The following SCYL1 variants were observed in gnomAD, a reference collection of about 807,000 sequenced individuals.
SCYL1 encodes SCY1 like pseudokinase 1.
SCYL1 carries 85 observed loss-of-function variants against 94.8 expected under a neutral mutation model. The ratio of observed to expected loss-of-function variants is 0.90; its 90% CI spans 0.75 to 1.07. The LOEUF (loss-of-function observed/expected upper bound fraction) is 1.07, where lower values mean the gene tolerates loss of function less well. Among genes scored for constraint, SCYL1 ranks in the 50% least tolerant of loss-of-function variants. SCYL1 has a pLI of 0.00. For synonymous variants in SCYL1, 459 were observed against 435.5 expected (o/e 1.05, Z -0.67); for missense variants, 968 against 1,083.3 (o/e 0.89, Z 1.49).
rs1855691514 is a variant in SCYL1, at chr11:65,536,977, G to C, written c.1817-9G>C. 2.5e-6 allele frequency: 4 copies of C among 1,608,796 alleles called. No homozygotes were observed. The highest frequency in any genetic ancestry group is 3.3e-5 in the Admixed American group (2 of 59,838). On this transcript the variant is annotated splice_polypyrimidine_tract_variant and intron_variant, in intron 13 of 17. Transcript: ENST00000270176. The stretch of plus-strand genomic sequence containing the variant: ...CCCCCTGAAAGCTCAGTGAGCCTCT[G>C]CTCCCCAGGAGTTCCTGCCCCAGCC...
Position 65,532,823 on chromosome 11 carries a change from C to T in SCYL1, c.1230+18C>T, listed in dbSNP as rs1855453433. On this transcript the variant is annotated intron_variant, in intron 9 of 17. Transcript: ENST00000270176. Reference sequence around the variant, plus strand: ...CGGTCAAGGTGGGTGTGGCCAGGCCCAGAGTGGCTACCCCTGGTTTTCCAA... The same window carrying T: ...CGGTCAAGGTGGGTGTGGCCAGGCCTAGAGTGGCTACCCCTGGTTTTCCAA... 1.6e-5 allele frequency: 25 copies of T among 1,592,668 alleles called. No homozygotes were observed. Among genetic ancestry groups the T allele is most frequent in the Non-Finnish European group, 2.1e-5 (24 of 1,160,662 alleles).
chr11:65,534,103 C>T (rs972868513), intron 9 of SCYL1, among the ~76,000 whole-genome samples: 20 of 151,758 alleles, frequency 1.3e-4, no homozygotes, highest in African/African-American at 2.9e-4. Flanking sequence ...TGGTGGTGGG[C>T]GCCTGTGGTC....
chr11:65,536,094 G>A lies in SCYL1; in HGVS notation c.1528G>A (p.Val510Met). Reference protein sequence around the residue: ...MNDCAQKILPVLCGLTVDPEK... With the variant: ...MNDCAQKILPMLCGLTVDPEK... ...CGACTGTGCCCAGAAGATCCTGCCT[G>A]TGCTCTGCGGTCTCACTGTAGATCC... The change falls in exon 11 of 18, where the codon GTG becomes ATG. Residue 510 changes from valine (V) to methionine (M), a missense_variant. By Grantham distance (21) the Val-to-Met change is conservative. Transcript: ENST00000270176. 2 of 1,614,176 alleles carry A rather than the reference G, an allele frequency of 1.2e-6. No homozygotes were observed. The highest frequency in any genetic ancestry group is 1.7e-6 in the Non-Finnish European group (2 of 1,180,004).
At chr11:65,536,903 T>TC in intron 13 of SCYL1, 83 bp from the exon 14 acceptor site, 1 of 1,229,488 alleles carries the variant, frequency 8.1e-7, no homozygotes, top group East Asian at 2.4e-5. Context: ...TGGTGCCCCT[T>TC]CCCCCCAGTA....
chr11:65,528,976 G>A (rs1855231256), intron 6 of SCYL1, among the ~76,000 whole-genome samples: 1 of 152,180 alleles, frequency 6.6e-6, no homozygotes, highest in Non-Finnish European at 1.5e-5. Context: ...CTGAACCTTG[G>A]TTTCCACATG....
chr11:65,532,894 C>T, intron 9 of SCYL1, 89 bp downstream of exon 9: 2 of 980,314 alleles, frequency 2.0e-6, no homozygotes, highest in Non-Finnish European at 3.2e-6. Flanking sequence ...GGCTTTGGCC[C>T]ATGGGTCCAA....
chr11:65,531,835 A>C, intron 8 of SCYL1, 152 bp downstream of exon 8: 1 of 638,232 alleles, frequency 1.6e-6, no homozygotes, highest in Non-Finnish European at 2.8e-6. Flanking sequence ...GCTCTCAGAA[A>C]GTTGGCCACA....
intron 17 of SCYL1, 57 bp from the exon 18 acceptor site, chr11:65,538,385 G>T: frequency 6.5e-7 from 1 of 1,539,176 alleles, no homozygotes; most frequent in Non-Finnish European, 8.8e-7. Flanking sequence ...GCCCCTACAG[G>T]CCCCCGGCAG....
At chr11:65,529,080 C>A (rs189678869) in intron 6 of SCYL1, among the ~76,000 whole-genome samples, 2 of 152,164 alleles carry the variant, frequency 1.3e-5, no homozygotes. Flanking sequence ...CGGCCCCAGC[C>A]GTGTGTGGGG....
chr11:65,536,344 T>G lies in SCYL1; in HGVS notation c.1651+10T>G, dbSNP rs765374706. On this transcript the variant is annotated intron_variant, in intron 12 of 17. Transcript: ENST00000270176. ...CAGCTGGAGGAAGTGGGTGAGTGGCTTACACTCGTGTTCCCTCTTTCCCTG... is the reference window on the plus strand; with the variant it reads ...CAGCTGGAGGAAGTGGGTGAGTGGCGTACACTCGTGTTCCCTCTTTCCCTG... 4 of 1,612,950 alleles carry G rather than the reference T, an allele frequency of 2.5e-6. No homozygotes were observed. The highest frequency in any genetic ancestry group is 3.4e-6 in the Non-Finnish European group (4 of 1,178,996).
In SCYL1 at chr11:65,525,283, C is replaced by T; in HGVS notation, c.111+19C>T. On this transcript the variant is annotated intron_variant, in intron 1 of 17. Transcript: ENST00000270176. ...CAAGAAGGTGAGTGCGGCCGAGCTC[C>T]GTAGGCCGCGGTCGACCTGGGCCTT... The T allele has an allele frequency of 7.1e-7, 1 of 1,399,356 alleles. No homozygotes were observed. The highest frequency in any genetic ancestry group is 9.4e-7 in the Non-Finnish European group (1 of 1,066,394). The allele number at this position is 1,399,356 out of a possible 1,614,324, so 86.7% of individuals were successfully genotyped here. A position where few individuals can be genotyped will look rare whatever the true frequency, so the allele number is the denominator to read the frequency against.
chr11:65,537,223 C>G lies in SCYL1; in HGVS notation c.1959+95C>G, dbSNP rs1855711755. The G allele has an allele frequency of 2.9e-6, 4 of 1,377,048 alleles. No individual in the cohort carries two copies. The Admixed American group carries it at 7.6e-5, about 26-fold the overall frequency. The allele number at this position is 1,377,048 out of a possible 1,614,324, so 85.3% of individuals were successfully genotyped here. Reference sequence around the variant, plus strand: ...TCTGTGGGGCCTGGCTGGAGTTGGCCTGTCCTCATCAGCACAGCATCCCTG... The same window carrying G: ...TCTGTGGGGCCTGGCTGGAGTTGGCGTGTCCTCATCAGCACAGCATCCCTG... On this transcript the variant is annotated intron_variant, in intron 14 of 17. Transcript: ENST00000270176.
chr11:65,536,370 C>T (rs747788958), intron 12 of SCYL1, 36 bp downstream of exon 12: 24 of 1,603,748 alleles, frequency 1.5e-5, no homozygotes, highest in Middle Eastern at 1.6e-4. Flanking sequence ...TCTTTCCCTG[C>T]CATGTCCTTG....
At position 65,536,377 on chromosome 11, in the gene SCYL1, C is replaced by A. The variant is rs773421181; in HGVS notation, c.1651+43C>A. 1.4e-5 allele frequency: 23 copies of A among 1,597,472 alleles called. No individual in the cohort carries two copies. The East Asian group carries it at 4.9e-4, about 34-fold the overall frequency. The stretch of plus-strand genomic sequence containing the variant: ...GTGTTCCCTCTTTCCCTGCCATGTC[C>A]TTGACTGTGACCTGTTTGTGTCCCA... On this transcript the variant is annotated intron_variant, in intron 12 of 17. Coordinates refer to ENST00000270176, the MANE Select transcript of SCYL1 (RefSeq NM_020680.4).
rs1212552571 is a variant in SCYL1, at chr11:65,537,852, C to A, written c.2003C>A (p.Thr668Asn). 1.3e-6 allele frequency: 2 copies of A among 1,575,254 alleles called. No homozygotes were observed. The highest frequency in any genetic ancestry group is 2.3e-5 in the South Asian group (2 of 85,804). The change falls in exon 15 of 18, where the codon ACC (threonine) becomes AAC (asparagine). Residue 668 changes from threonine to asparagine, a missense_variant. Physicochemically the swap from Thr to Asn is moderately conservative, Grantham distance 65 (BLOSUM62 0). This residue lies in a region of SCYL1 where 474 missense variants were observed against 463.6 expected (regional missense o/e 1.02). Coordinates refer to ENST00000270176, the MANE Select transcript of SCYL1 (RefSeq NM_020680.4). ...CTGGCCCAGCAGGACGACTGGAGCA[C>A]CGGGGGCCAAGTGAGCCGTGCTAGT... Reference protein sequence around the residue: ...SVLAQQDDWSTGGQVSRASQV... With the variant: ...SVLAQQDDWSNGGQVSRASQV...
In SCYL1 at chr11:65,526,888, C is replaced by G. The variant is rs1159490183; in HGVS notation, c.693+15C>G. On this transcript the variant is annotated intron_variant, in intron 5 of 17. Coordinates refer to ENST00000270176, the MANE Select transcript of SCYL1 (RefSeq NM_020680.4). The surrounding 1 kb of genome is among the most constrained non-coding windows in gnomAD (Gnocchi z 4.1). ...ACCCTGGGAAGGTAAGTTTCTTGCC[C>G]CTGGCTCTTTGCCCTGCCTCAGCCC... is the stretch of plus-strand genomic sequence containing the variant. The G allele has an allele frequency of 6.2e-7, 1 of 1,612,878 alleles. No individual in the cohort carries two copies. The highest frequency in any genetic ancestry group is 1.1e-5 in the South Asian group (1 of 91,050).
At chr11:65,536,386 G>A in intron 12 of SCYL1, 52 bp downstream of exon 12, 1 of 1,586,190 alleles carries the variant, frequency 6.3e-7, no homozygotes, top group Non-Finnish European at 8.6e-7. Context: ...CCTTGACTGT[G>A]ACCTGTTTGT....
At chr11:65,529,283 C>T (rs1252254137) in intron 6 of SCYL1, among the ~76,000 whole-genome samples, 2 of 152,178 alleles carry the variant, frequency 1.3e-5, no homozygotes, top group East Asian at 1.9e-4. Context: ...TGGGCAGTGT[C>T]GGGGCAGCAG....
At chr11:65,525,425 G>A in intron 1 of SCYL1, 149 bp from the exon 2 acceptor site, 5 of 1,118,306 alleles carry the variant, frequency 4.5e-6, no homozygotes, top group Non-Finnish European at 6.1e-6. Flanking sequence ...CGGAGGGACC[G>A]AGGGACCGAC....
Sources: gnomAD v4.1 joint callset for allele counts (sites outside exome capture counted in the v4.1 genomes callset) on GRCh38, gnomAD v4.1.1 for gene constraint, gnomAD v4.1.1 regional missense constraint, Gnocchi (gnomAD v3.1) non-coding constraint, MANE v1.5 for transcripts, NCBI Gene and HGNC (gene_info 2026-07-23, HGNC 2026-07-21) for gene names.